The following PTPN2 variants were observed in gnomAD, a reference collection of about 807,000 sequenced individuals.
The protein encoded by PTPN2 is tyrosine-protein phosphatase non-receptor type 2.
Under a neutral mutation model 57.3 loss-of-function variants are expected in PTPN2, and 19 were observed. The observed-to-expected ratio is 0.33, with a 90% CI of 0.23 to 0.49. The LOEUF is 0.49. PTPN2 is among the 20% of genes least tolerant of loss of function. The pLI is 0.99. For missense variants in PTPN2, 358 were observed against 501.1 expected, an observed-to-expected ratio of 0.71 and a Z score of 2.73; for synonymous variants, 153 against 164.9, an observed-to-expected ratio of 0.93 and a Z score of 0.55.
chr18:12,794,837 G>A (rs574681973), intron 8 of PTPN2, among the ~76,000 whole-genome samples: 1 of 152,244 alleles, frequency 6.6e-6, no homozygotes, highest in African/African-American at 2.4e-5. Context: ...TGGCCAGGCT[G>A]GTCTTGAACT....
At position 12,793,005 on chromosome 18, in the gene PTPN2, A is replaced by T; in HGVS notation, c.*1273T>A. 1.0e-6 allele frequency: 1 copy of T among 985,144 alleles called. No individual in the cohort carries two copies. The highest frequency in any genetic ancestry group is 1.2e-6 in the Non-Finnish European group (1 of 829,666). The allele number at this position is 985,144 out of a possible 1,614,324, so 61.0% of individuals were successfully genotyped here. The stretch of plus-strand genomic sequence containing the variant: ...TGCTGTGGTTGAAAGTAACCTCTTG[A>T]CCCACCTGGACATCCAATGAGCATA... On this transcript the variant is annotated 3_prime_UTR_variant, in exon 9 of 9. Transcript: ENST00000309660.
intron 5 of PTPN2, chr18:12,818,797 A>T (rs1321777495): frequency 6.6e-6 from 1 of 152,186 alleles, no homozygotes; most frequent in African/African-American, 2.4e-5. Context: ...TTTCGCTTTA[A>T]AAATATAAAT....
At chr18:12,840,014 T>C (rs975378076) in intron 2 of PTPN2, among the ~76,000 whole-genome samples, 1 of 152,052 alleles carries the variant, frequency 6.6e-6, no homozygotes, top group African/African-American at 2.4e-5. Context: ...TTTGGAAAGT[T>C]TTCCAGGTCA....
At chr18:12,871,428 C>G (rs937394523) in intron 1 of PTPN2, among the ~76,000 whole-genome samples, 17 of 152,092 alleles carry the variant, frequency 1.1e-4, no homozygotes, top group African/African-American at 3.4e-4. Flanking sequence ...TGAAGGTGAA[C>G]AGCTTTACCT....
At chr18:12,881,230 TTC>T (rs1199134391) in intron 1 of PTPN2, among the ~76,000 whole-genome samples, 1 of 151,982 alleles carries the variant, frequency 6.6e-6, no homozygotes, top group Non-Finnish European at 1.5e-5. Context: ...AGGTCAGGAG[TTC>T]GAGACCAGCC....
chr18:12,807,605 A>ATATATAT (rs1555660843), intron 7 of PTPN2, among the ~76,000 whole-genome samples: 2 of 110,512 alleles, frequency 1.8e-5, no homozygotes, highest in African/African-American at 3.0e-5. Context: ...ATATATATAT[A>ATATATAT]ATATAATACT....
intron 1 of PTPN2, among the ~76,000 whole-genome samples, chr18:12,874,435 C>T (rs1288577291): frequency 2.7e-5 from 4 of 148,280 alleles, no homozygotes; most frequent in Admixed American, 2.0e-4. Context: ...CCCGGCCTGC[C>T]GCCTCGTCCG....
intron 3 of PTPN2, among the ~76,000 whole-genome samples, chr18:12,832,805 A>G (rs1876200695): frequency 6.6e-6 from 1 of 152,194 alleles, no homozygotes; most frequent in Non-Finnish European, 1.5e-5. Context: ...AAACAGGAAC[A>G]CAGCTGGAGT....
intron 2 of PTPN2, among the ~76,000 whole-genome samples, chr18:12,857,204 C>CAAGCAAGGAGACTGTGGCCCCAGA (rs1384021363): frequency 1.3e-5 from 2 of 151,898 alleles, no homozygotes; most frequent in African/African-American, 2.4e-5. Flanking sequence ...AAGGAGGATC[C>CAAGCAAGGAGACTGTGGCCCCAGA]AAGCAAGGAG....
chr18:12,800,838 C>A (rs2041393516), intron 8 of PTPN2, among the ~76,000 whole-genome samples: 1 of 152,164 alleles, frequency 6.6e-6, no homozygotes, highest in South Asian at 2.1e-4. Context: ...GTGACTTATA[C>A]CAGGTTATCA....
chr18:12,841,435 C>T (rs1325624551), intron 2 of PTPN2, among the ~76,000 whole-genome samples: 1 of 152,148 alleles, frequency 6.6e-6, no homozygotes, highest in Non-Finnish European at 1.5e-5. Context: ...ATGGACTGAA[C>T]CAAGAAGAAG....
chr18:12,866,432 C>T (rs1448821205), intron 1 of PTPN2, among the ~76,000 whole-genome samples: 2 of 143,708 alleles, frequency 1.4e-5, no homozygotes, highest in Non-Finnish European at 3.0e-5. Context: ...AGCCAGACTC[C>T]TCTCAAAAAC....
chr18:12,866,625 A>G lies in PTPN2; in HGVS notation c.70-7371T>C, dbSNP rs564323759. Among the ~76,000 whole-genome samples, 3 of 152,284 alleles carry G rather than the reference A, an allele frequency of 2.0e-5. No individual in the cohort carries two copies. The East Asian group carries it at 5.8e-4, about 29-fold the overall frequency. ...TACCCAGTCTCTCCTTGGGGTGTTGAAAATATTCTGAAATTAAGATTTAGT... is the reference window on the plus strand; with the variant it reads ...TACCCAGTCTCTCCTTGGGGTGTTGGAAATATTCTGAAATTAAGATTTAGT... On this transcript the variant is annotated intron_variant, in intron 1 of 8. Transcript: ENST00000309660.
At chr18:12,808,148 C>CT (rs1485064537) in intron 7 of PTPN2, among the ~76,000 whole-genome samples, 1 of 151,822 alleles carries the variant, frequency 6.6e-6, no homozygotes, top group East Asian at 1.9e-4. Flanking sequence ...GATCGTGCCA[C>CT]TGTACACCAG....
chr18:12,789,919 G>C (rs976214330), downstream of PTPN2, among the ~76,000 whole-genome samples: 3 of 151,850 alleles, frequency 2.0e-5, no homozygotes, highest in African/African-American at 7.3e-5. Context: ...GAGAGACAGA[G>C]AGAGAGAGGG....
intron 2 of PTPN2, among the ~76,000 whole-genome samples, chr18:12,837,228 A>G (rs1200937398): frequency 6.6e-6 from 1 of 152,190 alleles, no homozygotes; most frequent in Non-Finnish European, 1.5e-5. Flanking sequence ...CTTGGTACCT[A>G]AGAATTGATT....
chr18:12,883,986 C>T (rs935605456), intron 1 of PTPN2, 87 bp downstream of exon 1: 8 of 1,205,202 alleles, frequency 6.6e-6, no homozygotes, highest in Admixed American at 2.3e-5. Context: ...AGGCGAGAGG[C>T]GGGGGAGGCG....
At chr18:12,848,458 G>A (rs76715449) in intron 2 of PTPN2, among the ~76,000 whole-genome samples, 6 of 152,292 alleles carry the variant, frequency 3.9e-5, no homozygotes, top group Non-Finnish European at 7.3e-5. Context: ...CTTCTCAAAC[G>A]GAATGTTGTG....
At chr18:12,791,494 T>C (rs748761886), downstream of PTPN2, among the ~76,000 whole-genome samples, 7 of 152,178 alleles carry the variant, frequency 4.6e-5, no homozygotes, top group Non-Finnish European at 7.3e-5. Flanking sequence ...CCTCTGGCTG[T>C]TACCAGAGAA....
Sources: allele counts gnomAD v4.1 joint callset (sites outside exome capture counted in the v4.1 genomes callset), GRCh38; gene constraint gnomAD v4.1.1; transcripts MANE v1.5; gene names NCBI Gene and HGNC (gene_info 2026-07-23, HGNC 2026-07-21).